The following EPHB1 variants were observed in gnomAD, a reference collection of about 807,000 sequenced individuals.
EPHB1 encodes EPH receptor B1, also known as ephrin type-B receptor 1.
A neutral mutation model predicts 94.4 loss-of-function variants in EPHB1; 30 were observed. The observed-to-expected ratio is 0.32, with a 90% confidence interval of 0.24 to 0.43. The LOEUF is 0.43. Ranked by LOEUF, EPHB1 falls within the 20% of genes least tolerant of loss-of-function variation. The pLI is 1.00. For missense variants in EPHB1, 1,055 were observed against 1,308.3 expected, an observed-to-expected ratio of 0.81 and a Z score of 2.99; for synonymous variants, 522 against 489.1, an observed-to-expected ratio of 1.07 and a Z score of -0.89.
At chr3:135,165,711 C>G (rs545727375) in intron 7 of EPHB1, among the ~76,000 whole-genome samples, 175 of 152,318 alleles carry the variant, frequency 1.1e-3, no homozygotes, top group African/African-American at 4.0e-3. Flanking sequence ...ATCATCTCTG[C>G]TCCAGGAATG....
intron 13 of EPHB1, among the ~76,000 whole-genome samples, chr3:135,244,764 C>T (rs759587377): frequency 6.6e-6 from 1 of 152,256 alleles, no homozygotes; most frequent in African/African-American, 2.4e-5. Flanking sequence ...TTAGAAAACA[C>T]GCATATCCTA....
intron 3 of EPHB1, among the ~76,000 whole-genome samples, chr3:135,102,662 T>C (rs1939074393): frequency 6.6e-6 from 1 of 152,154 alleles, no homozygotes; most frequent in Non-Finnish European, 1.5e-5. Flanking sequence ...CATTCTACTA[T>C]AAAGACACAT....
chr3:135,235,079 GT>G (rs1943618121), intron 12 of EPHB1, among the ~76,000 whole-genome samples: 1 of 152,224 alleles, frequency 6.6e-6, no homozygotes, highest in Non-Finnish European at 1.5e-5. Context: ...CCTGGGGAAA[GT>G]TTTATTTTTT....
chr3:134,885,376 A>G (rs1225018021), intron 1 of EPHB1, among the ~76,000 whole-genome samples: 1 of 152,230 alleles, frequency 6.6e-6, no homozygotes. Context: ...AACAGTAGAC[A>G]CCACTGCAGA....
At chr3:135,157,261 A>G (rs757197432) in intron 6 of EPHB1, among the ~76,000 whole-genome samples, 3 of 152,220 alleles carry the variant, frequency 2.0e-5, no homozygotes, top group Non-Finnish European at 4.4e-5. Flanking sequence ...TGCCGTGCTC[A>G]GAGCAGTCAC....
At chr3:135,056,969 A>G (rs1937367183) in intron 3 of EPHB1, among the ~76,000 whole-genome samples, 1 of 152,204 alleles carries the variant, frequency 6.6e-6, no homozygotes, top group Admixed American at 6.5e-5. Flanking sequence ...ACGTAGAATG[A>G]AAGGACATCT....
At chr3:135,053,426 C>A (rs549087570) in intron 3 of EPHB1, among the ~76,000 whole-genome samples, 1 of 151,850 alleles carries the variant, frequency 6.6e-6, no homozygotes. Flanking sequence ...TTTATGAGAC[C>A]TTTTGGGAAC....
At chr3:134,978,362 T>C (rs914765213) in intron 3 of EPHB1, among the ~76,000 whole-genome samples, 1 of 152,148 alleles carries the variant, frequency 6.6e-6, no homozygotes, top group African/African-American at 2.4e-5. Context: ...GGGAGGCTCT[T>C]CTTTAGATGT....
At chr3:134,948,361 C>G (rs1177833681) in intron 2 of EPHB1, among the ~76,000 whole-genome samples, 3 of 150,890 alleles carry the variant, frequency 2.0e-5, no homozygotes, top group Non-Finnish European at 4.4e-5. Flanking sequence ...TTCCTCAAGT[C>G]ATGTAGGGTC....
intron 2 of EPHB1, among the ~76,000 whole-genome samples, chr3:134,936,427 C>A (rs1391752552): frequency 2.6e-5 from 4 of 152,044 alleles, no homozygotes; most frequent in African/African-American, 9.7e-5. Flanking sequence ...GATGGAGGAG[C>A]CCAAGAGGAT....
intron 5 of EPHB1, among the ~76,000 whole-genome samples, chr3:135,140,298 C>T (rs545337852): frequency 1.3e-5 from 2 of 152,274 alleles, no homozygotes; most frequent in South Asian, 2.1e-4. Context: ...CCTCCATGCT[C>T]CTGTGGCAAG....
intron 3 of EPHB1, among the ~76,000 whole-genome samples, chr3:134,974,705 T>G (rs1337472988): frequency 6.6e-6 from 1 of 152,212 alleles, no homozygotes; most frequent in African/African-American, 2.4e-5. Context: ...AATGGCCTCT[T>G]GTTGGCACCT....
chr3:134,920,768 C>T (rs1001864822), intron 1 of EPHB1, among the ~76,000 whole-genome samples: 2 of 152,176 alleles, frequency 1.3e-5, no homozygotes, highest in African/African-American at 2.4e-5. Context: ...CCAGGCAGTA[C>T]CTGCCTCTTC....
At chr3:135,011,833 A>G (rs1935630721) in intron 3 of EPHB1, among the ~76,000 whole-genome samples, 1 of 152,158 alleles carries the variant, frequency 6.6e-6, no homozygotes, top group Admixed American at 6.5e-5. Context: ...ATTTTCTACT[A>G]GGTGGTTTGT....
At chr3:135,166,403 A>G (rs1941653256) in intron 8 of EPHB1, among the ~76,000 whole-genome samples, 1 of 152,188 alleles carries the variant, frequency 6.6e-6, no homozygotes, top group African/African-American at 2.4e-5. Flanking sequence ...CAGCCTGTGC[A>G]TAACCCATCC....
chr3:135,224,369 C>A (rs1282302112), intron 12 of EPHB1, among the ~76,000 whole-genome samples: 1 of 152,134 alleles, frequency 6.6e-6, no homozygotes, highest in Non-Finnish European at 1.5e-5. Flanking sequence ...TGATATTTCT[C>A]ATAATTAGAT....
At chr3:135,161,949 A>C in intron 6 of EPHB1, 69 bp from the exon 7 acceptor site, 1 of 1,519,012 alleles carries the variant, frequency 6.6e-7, no homozygotes, top group Non-Finnish European at 8.9e-7. Flanking sequence ...TGAATACTCC[A>C]GGGTGGAGTG....
At chr3:135,240,438 C>G (rs1943754245) in intron 12 of EPHB1, among the ~76,000 whole-genome samples, 1 of 152,066 alleles carries the variant, frequency 6.6e-6, no homozygotes, top group Non-Finnish European at 1.5e-5. Flanking sequence ...GGATTGGAGG[C>G]AAGAAGGAGA....
chr3:135,066,210 T>C (rs1937578581), intron 3 of EPHB1, among the ~76,000 whole-genome samples: 1 of 152,222 alleles, frequency 6.6e-6, no homozygotes, highest in Non-Finnish European at 1.5e-5. Flanking sequence ...ATTTCCCAGG[T>C]GTTCTTTGAG....
Sources: allele counts gnomAD v4.1 joint callset (sites outside exome capture counted in the v4.1 genomes callset), GRCh38; gene constraint gnomAD v4.1.1; transcripts MANE v1.5; gene names NCBI Gene and HGNC (gene_info 2026-07-23, HGNC 2026-07-21).